Variants in XXYLT1 observed in about 807,000 individuals in gnomAD.
XXYLT1 encodes UDP-xylose:alpha-xyloside alpha-1,3-xylosyltransferase.
In XXYLT1, 20 loss-of-function variants were observed where a neutral mutation model predicts 28.9. The observed-to-expected ratio is 0.69, with a 90% CI of 0.49 to 1.00. The LOEUF (loss-of-function observed/expected upper bound fraction) is 1.00, where lower values mean the gene tolerates loss of function less well. Ranked by LOEUF, XXYLT1 falls within the 50% of genes least tolerant of loss-of-function variation. The pLI is 0.00. For synonymous variants in XXYLT1, 257 were observed against 253.8 expected, an observed-to-expected ratio of 1.01 and a Z score of -0.12; for missense variants, 542 against 560.1, an observed-to-expected ratio of 0.97 and a Z score of 0.33.
intron 2 of XXYLT1, among the ~76,000 whole-genome samples, chr3:195,160,328 CT>C (rs1322533568): frequency 6.6e-6 from 1 of 152,218 alleles, no homozygotes; most frequent in African/African-American, 2.4e-5. Context: ...CTCTGTCTTT[CT>C]GTTTTGAAAT....
chr3:195,248,367 C>A (rs1317581824), intron 1 of XXYLT1, among the ~76,000 whole-genome samples: 1 of 152,174 alleles, frequency 6.6e-6, no homozygotes, highest in Non-Finnish European at 1.5e-5. Flanking sequence ...CGGGAGGTAA[C>A]TGAATCGTGC....
chr3:195,119,875 A>C (rs1170138888), intron 3 of XXYLT1, among the ~76,000 whole-genome samples: 1 of 149,594 alleles, frequency 6.7e-6, no homozygotes, highest in Non-Finnish European at 1.5e-5. Flanking sequence ...AGTTGAAACA[A>C]CAAGGTCAAG....
intron 3 of XXYLT1, among the ~76,000 whole-genome samples, chr3:195,103,954 G>A (rs1398851327): frequency 8.5e-5 from 13 of 152,340 alleles, no homozygotes; most frequent in Non-Finnish European, 1.6e-4. Flanking sequence ...AGAAAGGTTT[G>A]ACGCACTAGA....
intron 3 of XXYLT1, among the ~76,000 whole-genome samples, chr3:195,072,278 G>A: frequency 6.6e-6 from 1 of 152,214 alleles, no homozygotes; most frequent in Non-Finnish European, 1.5e-5. Flanking sequence ...CAGATCTACT[G>A]TGGGGTTGAG....
chr3:195,191,686 C>A (rs1338584745), intron 2 of XXYLT1, among the ~76,000 whole-genome samples: 1 of 152,174 alleles, frequency 6.6e-6, no homozygotes, highest in Non-Finnish European at 1.5e-5. Flanking sequence ...CAAAGCTATA[C>A]CATGCATACA....
Position 195,180,392 on chromosome 3 carries a change from TC to T in XXYLT1, c.653-23812del, listed in dbSNP as rs1721891188. ...GCCCGCCTGGCCCTCAAGACACACT[TC>T]CTTCGGCTGCAGCCTCGCCGATTCC... is the stretch of plus-strand genomic sequence containing the variant. On this transcript the variant is annotated intron_variant, in intron 2 of 3. Transcript: ENST00000310380. The surrounding 1 kb of genome is among the most constrained non-coding windows in gnomAD (Gnocchi z 5.8). 1.0e-6 allele frequency: 1 copy of T among 985,386 alleles called. No homozygotes were observed. Among genetic ancestry groups the T allele is most frequent in the African/African-American group, 1.7e-5 (1 of 57,158 alleles). The allele number at this position is 985,386 out of a possible 1,614,324, so 61.0% of individuals were successfully genotyped here.
At chr3:195,244,761 CAA>C (rs869207427) in intron 1 of XXYLT1, among the ~76,000 whole-genome samples, 4 of 26,532 alleles carry the variant, frequency 1.5e-4, no homozygotes, top group Non-Finnish European at 3.2e-4. Flanking sequence ...GACTCTGTCT[CAA>C]AAAAAAAAAA....
At chr3:195,083,065 G>A (rs1715526392) in intron 3 of XXYLT1, among the ~76,000 whole-genome samples, 3 of 152,160 alleles carry the variant, frequency 2.0e-5, no homozygotes, top group South Asian at 2.1e-4. Context: ...TCAACCCTCC[G>A]GAGGATGAAG....
Position 195,078,612 on chromosome 3 carries a change from C to T in XXYLT1, c.786-8501G>A, listed in dbSNP as rs111918941. 1.2e-3 allele frequency among the ~76,000 whole-genome samples: 180 copies of T among 152,248 alleles called. No individual in the cohort carries two copies. The highest frequency in any genetic ancestry group is 3.8e-3 in the African/African-American group (159 of 41,544). On this transcript the variant is annotated intron_variant, in intron 3 of 3. Coordinates refer to ENST00000310380, the MANE Select transcript of XXYLT1 (RefSeq NM_152531.5). This position sits in a 1 kb window ranked among gnomAD's most constrained non-coding sequence, Gnocchi z 5.0. ...AAGCCTCCTACTAATATCGACTGCC[C>T]GTTCTCTGCCTCTCACTCAAACACT...
chr3:195,109,601 TG>T (rs749896828), intron 3 of XXYLT1, among the ~76,000 whole-genome samples: 16 of 77,132 alleles, frequency 2.1e-4, no homozygotes, highest in Non-Finnish European at 4.3e-4. Flanking sequence ...CACGTGTGTG[TG>T]GTGTGTGTTG....
intron 2 of XXYLT1, among the ~76,000 whole-genome samples, chr3:195,160,626 C>A (rs1273625926): frequency 6.6e-6 from 1 of 152,178 alleles, no homozygotes; most frequent in Non-Finnish European, 1.5e-5. Context: ...CTCTGGCCTG[C>A]GGGAGCCAAA....
intron 2 of XXYLT1, among the ~76,000 whole-genome samples, chr3:195,225,700 T>G (rs1226378691): frequency 6.6e-6 from 1 of 151,268 alleles, no homozygotes; most frequent in Admixed American, 6.6e-5. Flanking sequence ...CATCTTGAAT[T>G]GTAGTTCCCA....
intron 2 of XXYLT1, among the ~76,000 whole-genome samples, chr3:195,171,992 C>T (rs959449010): frequency 6.6e-6 from 1 of 152,184 alleles, no homozygotes; most frequent in Non-Finnish European, 1.5e-5. Context: ...GTCACAGAAA[C>T]GCTGAACACG....
chr3:195,269,675 G>A (rs534915359), intron 1 of XXYLT1, among the ~76,000 whole-genome samples: 9 of 152,302 alleles, frequency 5.9e-5, no homozygotes, highest in Non-Finnish European at 1.2e-4. Context: ...TCCTGTCTCA[G>A]CATGCTTCCC....
intron 3 of XXYLT1, among the ~76,000 whole-genome samples, chr3:195,110,691 T>A: frequency 1.5e-5 from 2 of 131,604 alleles, no homozygotes; most frequent in East Asian, 2.3e-4. Flanking sequence ...GTGTGCTGTA[T>A]GTGTGCATGT....
intron 1 of XXYLT1, among the ~76,000 whole-genome samples, chr3:195,262,781 A>C (rs759562670): frequency 2.0e-5 from 3 of 152,232 alleles, no homozygotes; most frequent in Non-Finnish European, 4.4e-5. Context: ...TGTGATCATA[A>C]AGTTTTCCAT....
At chr3:195,159,867 G>A (rs1053928285) in intron 2 of XXYLT1, among the ~76,000 whole-genome samples, 10 of 152,136 alleles carry the variant, frequency 6.6e-5, no homozygotes, top group Admixed American at 2.0e-4. Context: ...TGGAATTGGC[G>A]GTGGTGGATC....
intron 1 of XXYLT1, among the ~76,000 whole-genome samples, chr3:195,244,310 C>G (rs1423051365): frequency 6.6e-6 from 1 of 152,196 alleles, no homozygotes; most frequent in African/African-American, 2.4e-5. Flanking sequence ...AAGCTTCACC[C>G]TCGCTGCAAG....
At chr3:195,126,341 G>C (rs1718623410) in intron 3 of XXYLT1, among the ~76,000 whole-genome samples, 2 of 152,338 alleles carry the variant, frequency 1.3e-5, no homozygotes, top group South Asian at 4.1e-4. Context: ...CCTGTGGCAG[G>C]TCAGAAGTTG....
Sources: gnomAD v4.1 joint callset for allele counts (sites outside exome capture counted in the v4.1 genomes callset) on GRCh38, gnomAD v4.1.1 for gene constraint, Gnocchi (gnomAD v3.1) non-coding constraint, MANE v1.5 for transcripts, NCBI Gene and HGNC (gene_info 2026-07-23, HGNC 2026-07-21) for gene names.